The following RBFOX1 variants were observed in gnomAD, a reference collection of about 807,000 sequenced individuals.
The protein encoded by RBFOX1 is RNA binding protein fox-1 homolog 1.
Under a neutral mutation model 57.7 loss-of-function variants are expected in RBFOX1, and 8 were observed. The ratio of observed to expected loss-of-function variants is 0.14; its 90% CI spans 0.08 to 0.25. The LOEUF (loss-of-function observed/expected upper bound fraction) is 0.25, where lower values mean the gene tolerates loss of function less well. RBFOX1 is among the 10% of genes least tolerant of loss of function. The pLI is 1.00. For missense variants in RBFOX1, 611 were observed against 548.5 expected (o/e 1.11, Z -1.14); for synonymous variants, 326 against 222.4 (o/e 1.47, Z -4.15).
chr16:5,651,345 G>A (rs2049234465), intron 3 of RBFOX1, among the ~76,000 whole-genome samples: 1 of 152,058 alleles, frequency 6.6e-6, no homozygotes, highest in Non-Finnish European at 1.5e-5. Flanking sequence ...GAACCACCAT[G>A]CCCAGCCGGA....
chr16:6,601,255 T>A (rs2097849263), intron 2 of RBFOX1, among the ~76,000 whole-genome samples: 1 of 152,132 alleles, frequency 6.6e-6, no homozygotes, highest in Non-Finnish European at 1.5e-5. Context: ...AGCATATAAT[T>A]CCAACTAGGG....
chr16:5,562,424 A>G (rs760213225), intron 2 of RBFOX1, among the ~76,000 whole-genome samples: 1 of 152,068 alleles, frequency 6.6e-6, no homozygotes, highest in African/African-American at 2.4e-5. Flanking sequence ...CAGGGCTCTG[A>G]GGGCAGATGC....
At chr16:5,883,877 A>G (rs1183778268) in intron 4 of RBFOX1, among the ~76,000 whole-genome samples, 1 of 152,226 alleles carries the variant, frequency 6.6e-6, no homozygotes, top group Non-Finnish European at 1.5e-5. Context: ...ATGAGAAGGT[A>G]GGAACCCTGA....
chr16:7,382,637 A>C (rs1388833420), intron 4 of RBFOX1, among the ~76,000 whole-genome samples: 1 of 152,228 alleles, frequency 6.6e-6, no homozygotes, highest in South Asian at 2.1e-4. Context: ...AGTGTTTTTC[A>C]TAGTTAAAAG....
intron 2 of RBFOX1, among the ~76,000 whole-genome samples, chr16:6,419,952 C>A (rs149041563): frequency 6.6e-5 from 10 of 152,262 alleles, no homozygotes; most frequent in African/African-American, 2.2e-4. Context: ...CAGGCCCCCC[C>A]ATCCCTTCCC....
At chr16:7,638,444 G>C (rs1223983224) in intron 11 of RBFOX1, among the ~76,000 whole-genome samples, 1 of 152,150 alleles carries the variant, frequency 6.6e-6, no homozygotes, top group African/African-American at 2.4e-5. Flanking sequence ...CTGGAAACAG[G>C]ATGGACTCCA....
At chr16:7,217,292 C>CTTTTTT (rs71147672) in intron 4 of RBFOX1, among the ~76,000 whole-genome samples, 29 of 104,044 alleles carry the variant, frequency 2.8e-4, no homozygotes, top group Non-Finnish European at 3.7e-4. Flanking sequence ...TCTTATTCTT[C>CTTTTTT]TTTTTTTTTT....
chr16:6,424,604 A>G (rs1597055116), intron 2 of RBFOX1, among the ~76,000 whole-genome samples: 1 of 20,698 alleles, frequency 4.8e-5, no homozygotes, highest in Admixed American at 5.7e-4. Flanking sequence ...TCTTAAGAGC[A>G]CTGTGTGTGT....
intron 9 of RBFOX1, among the ~76,000 whole-genome samples, chr16:7,600,945 A>G (rs2094980975): frequency 6.6e-6 from 1 of 152,144 alleles, no homozygotes; most frequent in Non-Finnish European, 1.5e-5. Flanking sequence ...GGATTGGACT[A>G]TTTCTCTATT....
chr16:7,339,140 C>G (rs2096846447), intron 4 of RBFOX1, among the ~76,000 whole-genome samples: 1 of 152,136 alleles, frequency 6.6e-6, no homozygotes, highest in Admixed American at 6.6e-5. Flanking sequence ...TGGCCTGAGG[C>G]TTGTCAATTA....
intron 3 of RBFOX1, among the ~76,000 whole-genome samples, chr16:6,992,358 C>T (rs2091624758): frequency 6.6e-6 from 1 of 152,048 alleles, no homozygotes. Context: ...GCTGGGACTA[C>T]AGGTACCCAC....
At chr16:6,261,824 C>T (rs558908681) in intron 1 of RBFOX1, among the ~76,000 whole-genome samples, 10 of 151,544 alleles carry the variant, frequency 6.6e-5, no homozygotes, top group Admixed American at 1.3e-4. Context: ...GATGAAACCC[C>T]GTCTTTACTA....
rs567451562 is a variant in RBFOX1 at position 5,448,040 on chromosome 16, G to A, written c.220-19176G>A. 1.6e-4 allele frequency among the ~76,000 whole-genome samples: 25 copies of A among 152,296 alleles called. No homozygotes were observed. In the East Asian group the frequency reaches 4.6e-3, roughly 28 times the overall value. On this transcript the variant is annotated intron_variant, in intron 1 of 2. Coordinates refer to the RBFOX1 transcript ENST00000585867. ...AATCTGGGGGTGGAGTCACATGGGG[G>A]AACAGGCTATCATGGGAAGTGAATC... is the stretch of plus-strand genomic sequence containing the variant.
At chr16:6,675,696 G>C (rs2057517177) in intron 3 of RBFOX1, among the ~76,000 whole-genome samples, 1 of 152,194 alleles carries the variant, frequency 6.6e-6, no homozygotes, top group Non-Finnish European at 1.5e-5. Flanking sequence ...ATGGCGGCAG[G>C]CAAGAGAGAA....
chr16:6,248,733 A>T (rs2097584452), intron 1 of RBFOX1, among the ~76,000 whole-genome samples: 2 of 152,130 alleles, frequency 1.3e-5, no homozygotes, highest in South Asian at 4.1e-4. Context: ...GGCTTCCGAG[A>T]TTCAAATTCA....
chr16:5,297,317 ATC>A (rs1338207865), intron 1 of RBFOX1, among the ~76,000 whole-genome samples: 2 of 152,266 alleles, frequency 1.3e-5, no homozygotes, highest in South Asian at 2.1e-4. Flanking sequence ...TTTTTGAGGA[ATC>A]TCTGTACTAT....
chr16:7,303,530 A>G (rs1350137582), intron 4 of RBFOX1, among the ~76,000 whole-genome samples: 1 of 152,232 alleles, frequency 6.6e-6, no homozygotes, highest in East Asian at 1.9e-4. Flanking sequence ...GGGTTTTAGC[A>G]GACCGAATTT....
chr16:6,143,129 C>A (rs538357706), intron 1 of RBFOX1, among the ~76,000 whole-genome samples: 1 of 152,166 alleles, frequency 6.6e-6, no homozygotes. Context: ...TGTGTCTGGG[C>A]CACACTTTGT....
chr16:6,605,069 T>A (rs971364625), intron 2 of RBFOX1, among the ~76,000 whole-genome samples: 7 of 152,024 alleles, frequency 4.6e-5, no homozygotes, highest in Non-Finnish European at 7.4e-5. Context: ...GTGTGTATTT[T>A]TATATATATA....
Sources: allele counts gnomAD v4.1 joint callset (sites outside exome capture counted in the v4.1 genomes callset), GRCh38; gene constraint gnomAD v4.1.1; transcripts MANE v1.5; gene names NCBI Gene and HGNC (gene_info 2026-07-23, HGNC 2026-07-21).